The following AFF1 variants were observed in gnomAD, a reference collection of about 807,000 sequenced individuals.
AFF1 encodes AF4/FMR2 family member 1.
A neutral mutation model predicts 121.7 loss-of-function variants in AFF1; 48 were observed. That is an observed-to-expected ratio of 0.39 (90% CI 0.31 to 0.50). The LOEUF is 0.50. Among genes scored for constraint, AFF1 ranks in the 20% least tolerant of loss-of-function variants. AFF1 has a pLI of 0.76. For synonymous variants in AFF1, 613 were observed against 563.0 expected (o/e 1.09, Z -1.26); for missense variants, 1,523 against 1,511.7 (o/e 1.01, Z -0.12).
Position 87,137,129 on chromosome 4 carries a change from A to G in AFF1, c.*1428A>G. On this transcript the variant is annotated 3_prime_UTR_variant, in exon 21 of 21. Transcript: ENST00000395146. ...GGTTATTATTGGAAACATTACTTTG[A>G]GTGCAGTGTTTTTAAAAGCCAATTC... 4.4e-6 allele frequency: 1 copy of G among 227,018 alleles called. No individual in the cohort carries two copies. Among genetic ancestry groups the G allele is most frequent in the Non-Finnish European group, 8.8e-6 (1 of 113,992 alleles). 14.1% of individuals were successfully genotyped at this position (227,018 alleles called of 1,614,324 possible).
At chr4:86,956,780 C>A (rs895642422) in intron 2 of AFF1, among the ~76,000 whole-genome samples, 1 of 152,164 alleles carries the variant, frequency 6.6e-6, no homozygotes, top group Non-Finnish European at 1.5e-5. Context: ...AAATAATATT[C>A]CATTGCATAG....
At chr4:86,977,817 A>G (rs995826899) in intron 2 of AFF1, among the ~76,000 whole-genome samples, 23 of 152,214 alleles carry the variant, frequency 1.5e-4, no homozygotes, top group African/African-American at 5.5e-4. Context: ...GAGTTGCCCT[A>G]ACATAATTCT....
At position 87,139,576 on chromosome 4, in the gene AFF1, T is replaced by C. The variant is rs1220191505; in HGVS notation, c.*3875T>C. 1 of 230,440 alleles carries C rather than the reference T, an allele frequency of 4.3e-6. No individual in the cohort carries two copies. The highest frequency in any genetic ancestry group is 2.2e-5 in the African/African-American group (1 of 45,196). 14.3% of individuals were successfully genotyped at this position (230,440 alleles called of 1,614,324 possible). A position where few individuals can be genotyped will look rare whatever the true frequency, so the allele number is the denominator to read the frequency against. On this transcript the variant is annotated 3_prime_UTR_variant, in exon 21 of 21. Coordinates refer to ENST00000395146, the MANE Select transcript of AFF1 (RefSeq NM_001166693.3). ...CTCACTGAAAAGTGAGAGTTACGCA[T>C]TGCAGCCATGAAGGGATGCTAGGAT... is the stretch of plus-strand genomic sequence containing the variant.
At chr4:87,080,165 GA>G (rs1723030781) in intron 4 of AFF1, among the ~76,000 whole-genome samples, 1 of 152,172 alleles carries the variant, frequency 6.6e-6, no homozygotes. Context: ...TAGATAGGCA[GA>G]AGGGGAGAGC....
chr4:87,072,197 A>G (rs1011081081), intron 4 of AFF1, among the ~76,000 whole-genome samples: 9 of 152,030 alleles, frequency 5.9e-5, no homozygotes, highest in African/African-American at 2.2e-4. Context: ...ACCCGTCTCT[A>G]CTAAAAATAC....
At chr4:87,007,039 A>G in intron 2 of AFF1, 1 of 1,172,930 alleles carries the variant, frequency 8.5e-7, no homozygotes. Context: ...GTTGCTGGGC[A>G]GGCGTTGGGC....
chr4:87,040,893 TGA>T (rs1461644498), intron 2 of AFF1, among the ~76,000 whole-genome samples: 20 of 140,510 alleles, frequency 1.4e-4, no homozygotes, highest in African/African-American at 4.9e-4. Flanking sequence ...TTTTTTTTTT[TGA>T]GATGGAGTCT....
chr4:87,036,676 A>T (rs897995022), intron 2 of AFF1: 23 of 328,646 alleles, frequency 7.0e-5, no homozygotes, highest in African/African-American at 4.3e-4. Context: ...AAGGTAAAAA[A>T]TACCTCTCAA....
chr4:86,999,921 G>A (rs1178232781), intron 2 of AFF1, among the ~76,000 whole-genome samples: 2 of 152,258 alleles, frequency 1.3e-5, no homozygotes, highest in South Asian at 2.1e-4. Context: ...CTAGGGTAGA[G>A]AAAATAGATG....
chr4:87,095,834 G>C (rs1031386291), intron 8 of AFF1, among the ~76,000 whole-genome samples: 3 of 152,060 alleles, frequency 2.0e-5, no homozygotes, highest in Admixed American at 1.3e-4. Flanking sequence ...ACAGGAGCTG[G>C]TCATAGGGAC....
At chr4:87,067,345 T>C (rs968304740) in intron 4 of AFF1, among the ~76,000 whole-genome samples, 6 of 152,274 alleles carry the variant, frequency 3.9e-5, no homozygotes, top group African/African-American at 1.2e-4. Flanking sequence ...AGAACCACTA[T>C]GGATAACTTC....
At chr4:87,074,767 G>A (rs1365941515) in intron 4 of AFF1, among the ~76,000 whole-genome samples, 1 of 152,126 alleles carries the variant, frequency 6.6e-6, no homozygotes, top group Non-Finnish European at 1.5e-5. Context: ...AAATTATATT[G>A]TATGTGATCT....
chr4:87,091,359 C>T (rs532988176), intron 6 of AFF1, among the ~76,000 whole-genome samples: 78 of 152,240 alleles, frequency 5.1e-4, no homozygotes, highest in African/African-American at 1.8e-3. Flanking sequence ...GCCGAGATTG[C>T]ACCACTGCAC....
chr4:86,937,895 C>T (rs922940939), intron 1 of AFF1, among the ~76,000 whole-genome samples: 2 of 152,088 alleles, frequency 1.3e-5, no homozygotes, highest in Non-Finnish European at 2.9e-5. Context: ...TGGAAGCCAC[C>T]GTGCCTGGCC....
At chr4:86,986,035 C>CAATTTAATTT (rs200276708) in intron 2 of AFF1, among the ~76,000 whole-genome samples, 6,523 of 137,492 alleles carry the variant, frequency 0.047, 200 homozygotes, top group South Asian at 0.069. Context: ...AAATTTAATT[C>CAATTTAATTT]AATTCAATTT....
At chr4:87,077,518 C>A (rs1028020841) in intron 4 of AFF1, among the ~76,000 whole-genome samples, 1 of 152,040 alleles carries the variant, frequency 6.6e-6, no homozygotes, top group Non-Finnish European at 1.5e-5. Context: ...GGTAATAGGT[C>A]AGAATTTAAA....
chr4:86,999,591 G>C (rs1161968350), intron 2 of AFF1, among the ~76,000 whole-genome samples: 1 of 152,184 alleles, frequency 6.6e-6, no homozygotes, highest in Non-Finnish European at 1.5e-5. Flanking sequence ...TGGAGTTACA[G>C]AGAGAAGTTT....
intron 2 of AFF1, among the ~76,000 whole-genome samples, chr4:87,004,977 A>G (rs963038413): frequency 2.6e-5 from 4 of 152,138 alleles, no homozygotes; most frequent in African/African-American, 9.7e-5. Flanking sequence ...TCTGTTTTGC[A>G]CTTTTTTTCA....
At chr4:87,132,429 A>C in intron 19 of AFF1, 21 bp downstream of exon 19, 1 of 1,573,662 alleles carries the variant, frequency 6.4e-7, no homozygotes, top group Non-Finnish European at 8.6e-7. Context: ...GTCTAATATA[A>C]ATAATTTCCA....
Sources: gnomAD v4.1 joint callset for allele counts (sites outside exome capture counted in the v4.1 genomes callset) on GRCh38, gnomAD v4.1.1 for gene constraint, MANE v1.5 for transcripts, NCBI Gene and HGNC (gene_info 2026-07-23, HGNC 2026-07-21) for gene names.